Variants in PTPRG observed in about 807,000 individuals in gnomAD.
PTPRG encodes receptor-type tyrosine-protein phosphatase gamma.
Under a neutral mutation model 165.3 loss-of-function variants are expected in PTPRG, and 102 were observed. The ratio of observed to expected loss-of-function variants is 0.62; its 90% CI spans 0.53 to 0.73. The LOEUF is 0.73. PTPRG is among the 30% of genes least tolerant of loss of function. PTPRG has a pLI of 0.00. For missense variants in PTPRG, 1,866 were observed against 1,861.4 expected (o/e 1.00, Z -0.05); for synonymous variants, 675 against 669.5 (o/e 1.01, Z -0.13).
intron 2 of PTPRG, among the ~76,000 whole-genome samples, chr3:61,880,782 T>G (rs764186585): frequency 1.3e-5 from 2 of 152,094 alleles, no homozygotes; most frequent in African/African-American, 4.8e-5. Context: ...CTTGATTGAT[T>G]AGGTTGTAAA....
At position 61,934,543 on chromosome 3, in the gene PTPRG, C is replaced by T. The variant is rs114858253; in HGVS notation, c.191-55082C>T. Among the ~76,000 whole-genome samples the T allele has an allele frequency of 4.1e-3, 628 of 152,130 alleles. 4 individuals are homozygous for T. Among genetic ancestry groups the T allele is most frequent in the African/African-American group, 0.013 (524 of 41,498 alleles). On this transcript the variant is annotated intron_variant, in intron 2 of 29. Coordinates refer to ENST00000474889, the MANE Select transcript of PTPRG (RefSeq NM_002841.4). The stretch of plus-strand genomic sequence containing the variant: ...GACTATGTTGAGTTGATCCTGACTA[C>T]GCCTATCTTGCTCCTGTGTTGTCCA...
chr3:61,836,882 C>T (rs571205238), intron 2 of PTPRG, among the ~76,000 whole-genome samples: 10 of 150,220 alleles, frequency 6.7e-5, no homozygotes, highest in South Asian at 2.1e-4. Flanking sequence ...GTAGCTGGGA[C>T]TACAGGCACA....
intron 24 of PTPRG, chr3:62,276,525 T>A: frequency 5.9e-6 from 1 of 169,610 alleles, no homozygotes; most frequent in Non-Finnish European, 1.3e-5. Flanking sequence ...GGCATAGACA[T>A]GGGTGATCAT....
intron 2 of PTPRG, among the ~76,000 whole-genome samples, chr3:61,966,305 G>A (rs1363138466): frequency 2.0e-5 from 3 of 152,280 alleles, no homozygotes; most frequent in African/African-American, 7.2e-5. Flanking sequence ...GATACAGGTG[G>A]CCTCTAGCAA....
rs529204236 is a variant in PTPRG at position 62,230,908 on chromosome 3, G to T, written c.2289-317G>T. 7.9e-5 allele frequency among the ~76,000 whole-genome samples: 12 copies of T among 152,284 alleles called. No homozygotes were observed. The South Asian group carries it at 2.5e-3, about 32-fold the overall frequency. ...CAGTGTGTCAAAGGTGGAAGAGTGG[G>T]TATATGAATGACAAGGGTCATCACT... On this transcript the variant is annotated intron_variant, in intron 13 of 29. Transcript: ENST00000474889.
intron 5 of PTPRG, among the ~76,000 whole-genome samples, chr3:62,126,480 A>G (rs183693966): frequency 6.6e-6 from 1 of 152,320 alleles, no homozygotes; most frequent in Non-Finnish European, 1.5e-5. Context: ...TTTTGTTTTC[A>G]TATTAATCCC....
Position 62,228,982 on chromosome 3 carries a change from A to G in PTPRG, c.2289-2243A>G, listed in dbSNP as rs1406108026. 1.3e-5 allele frequency among the ~76,000 whole-genome samples: 2 copies of G among 152,012 alleles called. No individual in the cohort carries two copies. Among genetic ancestry groups the G allele is most frequent in the Admixed American group, 1.3e-4 (2 of 15,270 alleles). On this transcript the variant is annotated intron_variant, in intron 13 of 29. Transcript: ENST00000474889. This position sits in a 1 kb window ranked among gnomAD's most constrained non-coding sequence, Gnocchi z 4.1. ...TGCCATTCTTTTCTTTTTGGAACCC[A>G]TATCTGTGGCCATATTTCAAGACTT...
intron 5 of PTPRG, among the ~76,000 whole-genome samples, chr3:62,086,925 A>G (rs548210612): frequency 4.6e-4 from 70 of 152,320 alleles, no homozygotes; most frequent in African/African-American, 1.6e-3. Flanking sequence ...GACATTACAG[A>G]GGACTATTTA....
chr3:61,896,546 T>C (rs1177480257), intron 2 of PTPRG, among the ~76,000 whole-genome samples: 2 of 152,206 alleles, frequency 1.3e-5, no homozygotes, highest in Non-Finnish European at 2.9e-5. Flanking sequence ...ACCTACATTT[T>C]CTATTTCTCT....
At chr3:62,173,268 A>G (rs1705288816) in intron 8 of PTPRG, among the ~76,000 whole-genome samples, 1 of 151,780 alleles carries the variant, frequency 6.6e-6, no homozygotes, top group Admixed American at 6.6e-5. Context: ...TTCCTTCCAA[A>G]TATTTTTGGT....
chr3:62,031,049 G>A (rs972085368), intron 4 of PTPRG, among the ~76,000 whole-genome samples: 8 of 152,210 alleles, frequency 5.3e-5, no homozygotes, highest in African/African-American at 1.2e-4. Context: ...GGGAAAAGGT[G>A]AAACAACTGG....
chr3:62,292,618 T>C, intron 29 of PTPRG, 62 bp downstream of exon 29: 1 of 1,562,178 alleles, frequency 6.4e-7, no homozygotes, highest in Non-Finnish European at 8.7e-7. Flanking sequence ...ACTCACAGTT[T>C]AGAGCAGTAG....
chr3:61,569,601 G>A (rs1700007716), intron 1 of PTPRG, among the ~76,000 whole-genome samples: 1 of 152,182 alleles, frequency 6.6e-6, no homozygotes, highest in African/African-American at 2.4e-5. Context: ...TTACAGGCCT[G>A]AGCCATTGCT....
chr3:61,933,136 A>G (rs2039401913), intron 2 of PTPRG, among the ~76,000 whole-genome samples: 1 of 152,204 alleles, frequency 6.6e-6, no homozygotes, highest in African/African-American at 2.4e-5. Flanking sequence ...ATGCAAAACA[A>G]AAAGGTAAAA....
rs138387562 is a variant in PTPRG at position 61,691,374 on chromosome 3, T to C, written c.86-57504T>C. ...GTGAGTTGTGATCACACCACTGCAC[T>C]CCAGCCTGGGAGACAGAGGGAGACC... is the stretch of plus-strand genomic sequence containing the variant. On this transcript the variant is annotated intron_variant, in intron 1 of 29. Coordinates refer to ENST00000474889, the MANE Select transcript of PTPRG (RefSeq NM_002841.4). Among the ~76,000 whole-genome samples, 123 of 152,242 alleles carry C rather than the reference T, an allele frequency of 8.1e-4. 3 individuals carry two copies. Among genetic ancestry groups the C allele is most frequent in the South Asian group, 4.8e-3 (23 of 4,816 alleles).
At chr3:61,942,086 G>T (rs929030857) in intron 2 of PTPRG, among the ~76,000 whole-genome samples, 1 of 151,292 alleles carries the variant, frequency 6.6e-6, no homozygotes, top group African/African-American at 2.4e-5. Context: ...TTGAACCCTT[G>T]TGGTGGAGGT....
rs1267435016 is a variant in PTPRG at position 62,195,246 on chromosome 3, A to G, written c.1327+76A>G. ...CAATGCTTTCTGCTTCTTCCTGCTC[A>G]GGTGCTGGGGAAAAATACAAACAAG... On this transcript the variant is annotated intron_variant, in intron 10 of 29. Coordinates refer to ENST00000474889, the MANE Select transcript of PTPRG (RefSeq NM_002841.4). This position sits in a 1 kb window ranked among gnomAD's most constrained non-coding sequence, Gnocchi z 4.4. 7.7e-7 allele frequency: 1 copy of G among 1,306,714 alleles called. No individual in the cohort carries two copies. The highest frequency in any genetic ancestry group is 1.2e-5 in the South Asian group (1 of 83,690). The allele number at this position is 1,306,714 out of a possible 1,614,324, so 80.9% of individuals were successfully genotyped here. A position where few individuals can be genotyped will look rare whatever the true frequency, so the allele number is the denominator to read the frequency against.
intron 16 of PTPRG, among the ~76,000 whole-genome samples, chr3:62,261,672 G>A (rs1701702559): frequency 1.3e-5 from 2 of 150,794 alleles, no homozygotes; most frequent in Non-Finnish European, 2.9e-5. Context: ...TCCAACAATT[G>A]GAGAGTCATT....
intron 2 of PTPRG, among the ~76,000 whole-genome samples, chr3:61,893,487 G>T (rs1283972986): frequency 6.6e-6 from 1 of 152,238 alleles, no homozygotes; most frequent in African/African-American, 2.4e-5. Context: ...GTAGGTGGAA[G>T]AGCCCATTAT....
Sources: allele counts gnomAD v4.1 joint callset (sites outside exome capture counted in the v4.1 genomes callset), GRCh38; gene constraint gnomAD v4.1.1; non-coding constraint Gnocchi (gnomAD v3.1); transcripts MANE v1.5; gene names NCBI Gene and HGNC (gene_info 2026-07-23, HGNC 2026-07-21).